Variants in SVOP observed in about 807,000 individuals in gnomAD.
The protein encoded by SVOP is synaptic vesicle 2-related protein.
Under a neutral mutation model 69.1 loss-of-function variants are expected in SVOP, and 17 were observed. The ratio of observed to expected loss-of-function variants is 0.25; its 90% CI spans 0.17 to 0.37. The LOEUF is 0.37. Ranked by LOEUF, SVOP falls within the 10% of genes least tolerant of loss-of-function variation. The pLI, the probability that SVOP is intolerant of heterozygous loss-of-function variation, is 1.00. For missense variants in SVOP, 435 were observed against 597.5 expected (o/e 0.73, Z 2.84); for synonymous variants, 238 against 238.6 (o/e 1.00, Z 0.02).
intron 2 of SVOP, among the ~76,000 whole-genome samples, chr12:108,978,891 C>T (rs1474606821): frequency 6.6e-6 from 1 of 151,990 alleles, no homozygotes; most frequent in Non-Finnish European, 1.5e-5. Flanking sequence ...CAGGAGTTGG[C>T]TAAATAAATT....
At chr12:108,993,640 C>T (rs917160006) in intron 1 of SVOP, among the ~76,000 whole-genome samples, 10 of 152,044 alleles carry the variant, frequency 6.6e-5, no homozygotes, top group Non-Finnish European at 1.5e-4. Flanking sequence ...GTAAGAAATG[C>T]TGCAAATAAA....
At chr12:108,925,352 C>A (rs937376591) in intron 11 of SVOP, among the ~76,000 whole-genome samples, 1 of 152,102 alleles carries the variant, frequency 6.6e-6, no homozygotes, top group Non-Finnish European at 1.5e-5. Context: ...GTAATACTGC[C>A]GCCATCTTGG....
intron 10 of SVOP, 44 bp from the exon 11 acceptor site, chr12:108,934,315 C>A: frequency 6.6e-7 from 1 of 1,522,274 alleles, no homozygotes; most frequent in Non-Finnish European, 8.9e-7. Flanking sequence ...ATCAGAGGAA[C>A]ACCAGTCCCC....
At chr12:108,925,552 A>C (rs1483093720) in intron 11 of SVOP, among the ~76,000 whole-genome samples, 1 of 152,170 alleles carries the variant, frequency 6.6e-6, no homozygotes, top group East Asian at 1.9e-4. Flanking sequence ...CTCTGCCTAA[A>C]ACTCTGCAAT....
At chr12:108,986,160 A>T (rs2040164837) in intron 1 of SVOP, among the ~76,000 whole-genome samples, 1 of 152,152 alleles carries the variant, frequency 6.6e-6, no homozygotes, top group African/African-American at 2.4e-5. Context: ...TGCTCTGTGC[A>T]AGTTCCAGCT....
At chr12:108,930,308 C>A (rs1383835203) in intron 11 of SVOP, among the ~76,000 whole-genome samples, 1 of 152,000 alleles carries the variant, frequency 6.6e-6, no homozygotes, top group Admixed American at 6.6e-5. Context: ...ACTGGTACTG[C>A]CAAGTGTTTA....
chr12:108,945,272 G>T (rs1403587348), intron 6 of SVOP, 106 bp from the exon 7 acceptor site: 3 of 1,037,856 alleles, frequency 2.9e-6, no homozygotes, highest in Non-Finnish European at 4.3e-6. Context: ...GGTGGTCAGT[G>T]AACCACTTAC....
rs768222577 is a variant in SVOP, at chr12:108,912,678, C to A, written c.1504G>T (p.Ala502Ser). ...AVYSGCCLLA[A>S]LASCFLPIET... is the part of the protein sequence containing the mutation. ...ATGGGCAAAAAGCAGGAGGCCAGGG[C>A]AGCCAGGAGGCAGCAGCCACTGTAA... Residue 502 changes from alanine (A) to serine (S), a missense_variant, in exon 16 of 16, where the codon GCC becomes TCC. Coordinates refer to ENST00000610966, the MANE Select transcript of SVOP (RefSeq NM_018711.5). The A allele has an allele frequency of 1.2e-6, 2 of 1,613,940 alleles. No individual in the cohort carries two copies. The highest frequency in any genetic ancestry group is 4.5e-5 in the East Asian group (2 of 44,884).
At chr12:108,981,166 T>C (rs2040133461) in intron 2 of SVOP, among the ~76,000 whole-genome samples, 1 of 152,246 alleles carries the variant, frequency 6.6e-6, no homozygotes, top group East Asian at 1.9e-4. Flanking sequence ...GGGCATTTAC[T>C]GGGTGCTCAC....
chr12:108,918,562 G>C (rs901853602), intron 13 of SVOP, among the ~76,000 whole-genome samples: 1 of 152,178 alleles, frequency 6.6e-6, no homozygotes, highest in African/African-American at 2.4e-5. Context: ...TAACATTTCA[G>C]GGTCGAAGCT....
intron 1 of SVOP, among the ~76,000 whole-genome samples, chr12:108,985,645 T>C (rs2040162196): frequency 6.6e-6 from 1 of 152,154 alleles, no homozygotes; most frequent in African/African-American, 2.4e-5. Flanking sequence ...CCCTCCAGCC[T>C]GGGTGACAGA....
rs1267102740 is a variant in SVOP at position 108,911,831 on chromosome 12, CA to C, written c.*703del. On this transcript the variant is annotated 3_prime_UTR_variant, in exon 16 of 16. Coordinates refer to ENST00000610966, the MANE Select transcript of SVOP (RefSeq NM_018711.5). ...CACTTTGGCCTCAGTCCTCAGTTCC[CA>C]GGGGGTAACGGCGTTCTGAGGTTGT... is the stretch of plus-strand genomic sequence containing the variant. The C allele has an allele frequency of 6.6e-6, 1 of 152,240 alleles. No individual in the cohort carries two copies. The highest frequency in any genetic ancestry group is 2.4e-5 in the African/African-American group (1 of 41,430). 9.4% of individuals were successfully genotyped at this position (152,240 alleles called of 1,614,324 possible). A position where few individuals can be genotyped will look rare whatever the true frequency, so the allele number is the denominator to read the frequency against.
At chr12:108,916,653 G>A (rs2039715772) in intron 14 of SVOP, among the ~76,000 whole-genome samples, 1 of 152,234 alleles carries the variant, frequency 6.6e-6, no homozygotes, top group African/African-American at 2.4e-5. Context: ...GGCACACGAT[G>A]CGAGGAGCCT....
At chr12:108,918,181 T>G in intron 13 of SVOP, 57 bp from the exon 14 acceptor site, 1 of 1,411,334 alleles carries the variant, frequency 7.1e-7, no homozygotes, top group Non-Finnish European at 9.6e-7. Flanking sequence ...TGTTTCAGCA[T>G]AGTCCTATCT....
intron 10 of SVOP, among the ~76,000 whole-genome samples, 174 bp from the exon 11 acceptor site, chr12:108,934,445 C>T (rs960704964): frequency 2.0e-5 from 3 of 152,098 alleles, no homozygotes; most frequent in Non-Finnish European, 1.5e-5. Flanking sequence ...GGTAAAAAAG[C>T]ATCACGATAT....
At chr12:108,935,538 C>T (rs1387454879) in intron 10 of SVOP, among the ~76,000 whole-genome samples, 1 of 152,194 alleles carries the variant, frequency 6.6e-6, no homozygotes, top group Admixed American at 6.5e-5. Context: ...GTTAATTGAG[C>T]TCTTAGGAAT....
intron 10 of SVOP, among the ~76,000 whole-genome samples, chr12:108,936,021 A>AATAC (rs1250440098): frequency 1.8e-3 from 135 of 73,644 alleles, no homozygotes; most frequent in African/African-American, 0.013. Context: ...ACATAGTATA[A>AATAC]ATACACACAC....
At chr12:108,976,611 T>A (rs2040107540) in intron 4 of SVOP, among the ~76,000 whole-genome samples, 1 of 123,594 alleles carries the variant, frequency 8.1e-6, no homozygotes, top group South Asian at 3.3e-4. Context: ...TCTCTCTCTC[T>A]CTCTTTTTTT....
chr12:108,920,991 A>G (rs2039745150), intron 12 of SVOP, among the ~76,000 whole-genome samples: 1 of 152,210 alleles, frequency 6.6e-6, no homozygotes, highest in South Asian at 2.1e-4. Flanking sequence ...ACAGTTATTC[A>G]GTCAATGAGC....
Sources: gnomAD v4.1 joint callset for allele counts (sites outside exome capture counted in the v4.1 genomes callset) on GRCh38, gnomAD v4.1.1 for gene constraint, MANE v1.5 for transcripts, NCBI Gene and HGNC (gene_info 2026-07-23, HGNC 2026-07-21) for gene names.